MTPN: variants seen among roughly 807,000 people sequenced by gnomAD.
MTPN encodes granule cell differentiation protein.
A neutral mutation model predicts 13.5 loss-of-function variants in MTPN; 2 were observed. The observed-to-expected ratio is 0.15, with a 90% CI of 0.06 to 0.47. The LOEUF is 0.47. Among genes scored for constraint, MTPN ranks in the 20% least tolerant of loss-of-function variants. MTPN has a pLI of 0.97. For missense variants in MTPN, 79 were observed against 137.9 expected, an observed-to-expected ratio of 0.57 and a Z score of 2.14; for synonymous variants, 46 against 51.7, an observed-to-expected ratio of 0.89 and a Z score of 0.48.
At chr7:135,938,245 T>C (rs1799147504) in intron 3 of MTPN, among the ~76,000 whole-genome samples, 1 of 152,246 alleles carries the variant, frequency 6.6e-6, no homozygotes, top group Non-Finnish European at 1.5e-5. Context: ...TACATATGCA[T>C]ATGGATTTAC....
intron 3 of MTPN, among the ~76,000 whole-genome samples, chr7:135,930,671 G>A (rs1427713279): frequency 6.6e-6 from 1 of 152,116 alleles, no homozygotes; most frequent in Non-Finnish European, 1.5e-5. Flanking sequence ...TTTTGTGCCT[G>A]TATGTTGTTT....
intron 3 of MTPN, among the ~76,000 whole-genome samples, chr7:135,936,903 C>G (rs942202844): frequency 1.3e-5 from 2 of 152,134 alleles, no homozygotes; most frequent in African/African-American, 4.8e-5. Flanking sequence ...TGTAGATAAT[C>G]AAGTATTATT....
intron 3 of MTPN, among the ~76,000 whole-genome samples, chr7:135,939,639 G>A (rs974579429): frequency 2.8e-5 from 4 of 143,166 alleles, no homozygotes; most frequent in East Asian, 2.2e-4. Context: ...CATACACAGC[G>A]GAGCCAGTCA....
At chr7:135,958,960 CCT>C (rs889100134) in intron 1 of MTPN, among the ~76,000 whole-genome samples, 26 of 152,034 alleles carry the variant, frequency 1.7e-4, no homozygotes, top group African/African-American at 5.8e-4. Flanking sequence ...TAACCGATCC[CCT>C]GATAAGTGTT....
chr7:135,956,193 T>C (rs1385300039), intron 1 of MTPN, among the ~76,000 whole-genome samples: 1 of 152,164 alleles, frequency 6.6e-6, no homozygotes, highest in Non-Finnish European at 1.5e-5. Context: ...GTAGGTCCAA[T>C]AGTGGTGATG....
At chr7:135,969,090 G>C (rs1352071717) in intron 1 of MTPN, among the ~76,000 whole-genome samples, 2 of 107,438 alleles carry the variant, frequency 1.9e-5, no homozygotes, top group Admixed American at 9.2e-5. Flanking sequence ...TTGTGGGGTG[G>C]GGGGGGGGGA....
chr7:135,948,979 G>T (rs1277345196), intron 3 of MTPN, among the ~76,000 whole-genome samples: 2 of 152,138 alleles, frequency 1.3e-5, no homozygotes, highest in African/African-American at 4.8e-5. Context: ...TTTCTTTTGA[G>T]AGCTAGCAGA....
Position 135,927,494 on chromosome 7 carries a change from A to G in MTPN, c.*2432T>C. 2 of 1,336,664 alleles carry G rather than the reference A, an allele frequency of 1.5e-6. No homozygotes were observed. The highest frequency in any genetic ancestry group is 2.1e-6 in the Non-Finnish European group (2 of 968,086). 82.8% of individuals were successfully genotyped at this position (1,336,664 alleles called of 1,614,324 possible). On this transcript the variant is annotated 3_prime_UTR_variant, in exon 4 of 4. Coordinates refer to ENST00000393085, the MANE Select transcript of MTPN (RefSeq NM_145808.4). Reference sequence around the variant, plus strand: ...CAAAATTTTTTCTGAGATGTTAAGTATTACTTCAGTGGAGAACAAAACTTA... The same window carrying G: ...CAAAATTTTTTCTGAGATGTTAAGTGTTACTTCAGTGGAGAACAAAACTTA...
intron 3 of MTPN, among the ~76,000 whole-genome samples, chr7:135,943,956 C>G (rs1799250006): frequency 6.6e-6 from 1 of 152,136 alleles, no homozygotes; most frequent in South Asian, 2.1e-4. Flanking sequence ...TTGAAACTTT[C>G]ATTGAATTCT....
rs114081542 is a variant in MTPN at position 135,968,085 on chromosome 7, C to T, written c.72+8944G>A. On this transcript the variant is annotated intron_variant, in intron 1 of 3. Transcript: ENST00000393085. The stretch of plus-strand genomic sequence containing the variant: ...TGCTGGGATTACAGACATGAGTCAT[C>T]ATGCCTGGCCTACAATTTTTTTTTA... Among the ~76,000 whole-genome samples the T allele has an allele frequency of 5.9e-3, 896 of 152,192 alleles. 13 individuals are homozygous for T. Among genetic ancestry groups the T allele is most frequent in the African/African-American group, 0.02 (824 of 41,504 alleles).
intron 1 of MTPN, 132 bp downstream of exon 1, chr7:135,976,897 T>C: frequency 2.3e-6 from 2 of 862,982 alleles, no homozygotes; most frequent in Admixed American, 2.0e-5. Context: ...CCTCTCTCCT[T>C]GGTGCCGCCT....
intron 1 of MTPN, among the ~76,000 whole-genome samples, chr7:135,957,775 A>G (rs1799465474): frequency 6.6e-6 from 1 of 152,120 alleles, no homozygotes. Context: ...TTCTTATCCC[A>G]TTAGTTCTTG....
intron 1 of MTPN, among the ~76,000 whole-genome samples, chr7:135,976,083 T>C (rs181676253): frequency 9.8e-5 from 15 of 152,378 alleles, no homozygotes; most frequent in Non-Finnish European, 1.5e-4. Context: ...AGATTCATTT[T>C]AGATTATCAC....
chr7:135,940,401 A>G (rs527720410), intron 3 of MTPN, among the ~76,000 whole-genome samples: 2 of 152,340 alleles, frequency 1.3e-5, no homozygotes, highest in South Asian at 4.1e-4. Context: ...GAGACAGAGT[A>G]AAGACAATTT....
intron 1 of MTPN, among the ~76,000 whole-genome samples, chr7:135,969,702 T>TA (rs1486172588): frequency 3.9e-5 from 6 of 152,064 alleles, no homozygotes; most frequent in Admixed American, 3.9e-4. Flanking sequence ...AAAAAAGCGA[T>TA]ACATTTAACC....
intron 1 of MTPN, among the ~76,000 whole-genome samples, chr7:135,956,191 A>G (rs914532349): frequency 6.6e-6 from 1 of 152,232 alleles, no homozygotes; most frequent in African/African-American, 2.4e-5. Context: ...TGGTAGGTCC[A>G]ATAGTGGTGA....
chr7:135,948,651 G>C (rs1433571031), intron 3 of MTPN, among the ~76,000 whole-genome samples: 1 of 152,144 alleles, frequency 6.6e-6, no homozygotes, highest in East Asian at 1.9e-4. Flanking sequence ...AGGTCTCAAT[G>C]ACCTGAAGCC....
chr7:135,934,704 C>T lies in MTPN; in HGVS notation c.271-4692G>A, dbSNP rs151308669. ...TCCTGTAAATGCCAAGTCTAGTCAACATATATAGTATCTGAACAGTGATAT... is the reference window on the plus strand; with the variant it reads ...TCCTGTAAATGCCAAGTCTAGTCAATATATATAGTATCTGAACAGTGATAT... On this transcript the variant is annotated intron_variant, in intron 3 of 3. Transcript: ENST00000393085. 3.8e-3 allele frequency among the ~76,000 whole-genome samples: 572 copies of T among 152,272 alleles called. 5 individuals are homozygous for T. Among genetic ancestry groups the T allele is most frequent in the African/African-American group, 0.013 (541 of 41,546 alleles).
At chr7:135,944,616 CA>C (rs1346461857) in intron 3 of MTPN, among the ~76,000 whole-genome samples, 15 of 152,040 alleles carry the variant, frequency 9.9e-5, no homozygotes, top group African/African-American at 3.6e-4. Context: ...CATTGCACTC[CA>C]GCCTGGGGGA....
Sources: allele counts gnomAD v4.1 joint callset (sites outside exome capture counted in the v4.1 genomes callset), GRCh38; gene constraint gnomAD v4.1.1; transcripts MANE v1.5; gene names NCBI Gene and HGNC (gene_info 2026-07-23, HGNC 2026-07-21).